Variants in RAB2A observed in about 807,000 individuals in gnomAD.
RAB2A encodes the protein ras-related protein Rab-2A.
Under a neutral mutation model 32.5 loss-of-function variants are expected in RAB2A, and 7 were observed. The ratio of observed to expected loss-of-function variants is 0.22; its 90% CI spans 0.12 to 0.40. RAB2A has a LOEUF of 0.40. Among genes scored for constraint, RAB2A ranks in the 10% least tolerant of loss-of-function variants. RAB2A has a pLI of 1.00. For synonymous variants in RAB2A, 79 were observed against 85.2 expected (o/e 0.93, Z 0.40); for missense variants, 108 against 260.7 (o/e 0.41, Z 4.03).
chr8:60,620,581 A>C, intron 7 of RAB2A, 93 bp from the exon 8 acceptor site: 1 of 924,146 alleles, frequency 1.1e-6, no homozygotes, highest in Non-Finnish European at 1.7e-6. Flanking sequence ...TTGTTTGATA[A>C]AATTGTATCA....
chr8:60,570,052 T>A (rs1808174620), intron 2 of RAB2A: 1 of 456,112 alleles, frequency 2.2e-6, no homozygotes, highest in South Asian at 1.5e-5. Context: ...GATGGAATGG[T>A]CACAGGTCAG....
chr8:60,577,792 A>ATTTTATT (rs1803666563), intron 3 of RAB2A, among the ~76,000 whole-genome samples: 1 of 112,948 alleles, frequency 8.9e-6, no homozygotes, highest in African/African-American at 3.3e-5. Context: ...CGCCCGGCTA[A>ATTTTATT]TTTTTTTTTT....
At chr8:60,602,605 G>T (rs1586109347) in intron 6 of RAB2A, among the ~76,000 whole-genome samples, 3 of 152,156 alleles carry the variant, frequency 2.0e-5, no homozygotes, top group African/African-American at 7.2e-5. Flanking sequence ...AGTTCCTATG[G>T]CAGGAGAGCC....
At chr8:60,558,092 G>A (rs1385731794) in intron 1 of RAB2A, among the ~76,000 whole-genome samples, 1 of 152,176 alleles carries the variant, frequency 6.6e-6, no homozygotes, top group Non-Finnish European at 1.5e-5. Flanking sequence ...GAGTAAGTGA[G>A]TGAATGAATG....
intron 5 of RAB2A, among the ~76,000 whole-genome samples, chr8:60,588,621 G>C (rs954624511): frequency 1.3e-5 from 2 of 152,174 alleles, no homozygotes; most frequent in Non-Finnish European, 2.9e-5. Flanking sequence ...CCTAGTAAAT[G>C]TGTACTAATC....
intron 3 of RAB2A, among the ~76,000 whole-genome samples, chr8:60,579,141 C>A (rs753890869): frequency 2.0e-5 from 3 of 152,156 alleles, no homozygotes; most frequent in Non-Finnish European, 4.4e-5. Context: ...CTCCTGGGTT[C>A]AAGTGATTCT....
intron 3 of RAB2A, among the ~76,000 whole-genome samples, chr8:60,574,317 G>A (rs573469617): frequency 7.2e-5 from 11 of 152,186 alleles, no homozygotes; most frequent in Non-Finnish European, 1.5e-4. Context: ...TATGAGGGAA[G>A]GATCCACCTA....
chr8:60,610,800 C>T (rs1030547838), intron 6 of RAB2A, among the ~76,000 whole-genome samples: 7 of 152,154 alleles, frequency 4.6e-5, no homozygotes, highest in African/African-American at 1.7e-4. Flanking sequence ...CTAATAAATG[C>T]ATGTCATATA....
rs181332545 is a variant in RAB2A at position 60,527,616 on chromosome 8, T to C, written c.46+10363T>C. Among the ~76,000 whole-genome samples, 48 of 152,280 alleles carry C rather than the reference T, an allele frequency of 3.2e-4. 1 individual carries two copies. Among genetic ancestry groups the C allele is most frequent in the Admixed American group, 2.4e-3 (37 of 15,304 alleles). ...CACAGAGCCAAACCATATCAGGACA[T>C]TTATACTCAAAGTCTATGATATGAG... On this transcript the variant is annotated intron_variant, in intron 1 of 7. Transcript: ENST00000262646.
intron 1 of RAB2A, among the ~76,000 whole-genome samples, chr8:60,523,858 T>A (rs1353169040): frequency 6.6e-6 from 1 of 151,890 alleles, no homozygotes; most frequent in African/African-American, 2.4e-5. Context: ...GCCTGGCTAA[T>A]TTTTTGTGTT....
At chr8:60,606,609 G>A (rs543299881) in intron 6 of RAB2A, among the ~76,000 whole-genome samples, 18 of 152,264 alleles carry the variant, frequency 1.2e-4, no homozygotes, top group African/African-American at 4.3e-4. Context: ...TCTCAAGACA[G>A]GATCATAGAG....
intron 1 of RAB2A, chr8:60,551,863 T>A (rs879332587): frequency 2.7e-5 from 4 of 146,890 alleles, no homozygotes; most frequent in Non-Finnish European, 6.0e-5. Context: ...TTGATTTTTT[T>A]TTTTTTTTTT....
intron 2 of RAB2A, among the ~76,000 whole-genome samples, chr8:60,560,300 G>A (rs1416568574): frequency 1.3e-5 from 2 of 152,268 alleles, no homozygotes; most frequent in South Asian, 2.1e-4. Flanking sequence ...TGTTGCCCAA[G>A]CTGGTTTCGC....
intron 2 of RAB2A, among the ~76,000 whole-genome samples, chr8:60,560,360 A>T (rs369899877): frequency 2.6e-5 from 4 of 152,166 alleles, no homozygotes; most frequent in East Asian, 1.9e-4. Flanking sequence ...AAGTGCTGGG[A>T]TTACAGGTGT....
chr8:60,571,911 G>C (rs567164904), intron 2 of RAB2A, 135 bp from the exon 3 acceptor site: 18 of 517,658 alleles, frequency 3.5e-5, no homozygotes, highest in Admixed American at 6.8e-5. Flanking sequence ...CTAAGTATAG[G>C]AACTGCATTT....
At chr8:60,533,694 G>C (rs1807514669) in intron 1 of RAB2A, among the ~76,000 whole-genome samples, 7 of 152,216 alleles carry the variant, frequency 4.6e-5, no homozygotes, top group Middle Eastern at 3.4e-3. Flanking sequence ...TTGTGGGCCA[G>C]GCATGGTGGC....
intron 1 of RAB2A, among the ~76,000 whole-genome samples, chr8:60,525,997 ATATG>A (rs1424579058): frequency 7.2e-6 from 1 of 138,588 alleles, no homozygotes; most frequent in East Asian, 2.1e-4. Context: ...ATATATGTCT[ATATG>A]TATATATGTG....
chr8:60,523,094 A>G (rs150666268), intron 1 of RAB2A, among the ~76,000 whole-genome samples: 5 of 152,276 alleles, frequency 3.3e-5, no homozygotes, highest in East Asian at 3.9e-4. Flanking sequence ...TATAAAATAC[A>G]TATACACAGT....
At chr8:60,534,554 C>T (rs1166883267) in intron 1 of RAB2A, among the ~76,000 whole-genome samples, 2 of 152,196 alleles carry the variant, frequency 1.3e-5, no homozygotes, top group Non-Finnish European at 2.9e-5. Flanking sequence ...TAATTGTCCA[C>T]CTAATCAGTA....
Sources: allele counts gnomAD v4.1 joint callset (sites outside exome capture counted in the v4.1 genomes callset), GRCh38; gene constraint gnomAD v4.1.1; transcripts MANE v1.5; gene names NCBI Gene and HGNC (gene_info 2026-07-23, HGNC 2026-07-21).